EFR3B: variants seen among roughly 807,000 people sequenced by gnomAD.
EFR3B encodes protein EFR3 homolog B.
EFR3B carries 64 observed loss-of-function variants against 104.7 expected under a neutral mutation model. That is an observed-to-expected ratio of 0.61 (90% CI 0.50 to 0.75). The LOEUF (loss-of-function observed/expected upper bound fraction) is 0.75, where lower values mean the gene tolerates loss of function less well. Ranked by LOEUF, EFR3B falls within the 30% of genes least tolerant of loss-of-function variation. The pLI, the probability that EFR3B is intolerant of heterozygous loss-of-function variation, is 0.00. For synonymous variants in EFR3B, 385 were observed against 417.9 expected, an observed-to-expected ratio of 0.92 and a Z score of 0.96; for missense variants, 750 against 1,078.5, an observed-to-expected ratio of 0.70 and a Z score of 4.27.
At chr2:25,100,459 T>G (rs989359890) in intron 3 of EFR3B, among the ~76,000 whole-genome samples, 3 of 152,194 alleles carry the variant, frequency 2.0e-5, no homozygotes, top group Non-Finnish European at 4.4e-5. Context: ...GGCACCCCAT[T>G]AGGCTTTACA....
chr2:25,135,397 C>G, intron 12 of EFR3B, 70 bp from the exon 13 acceptor site: 2 of 1,519,646 alleles, frequency 1.3e-6, no homozygotes, highest in Non-Finnish European at 1.8e-6. Flanking sequence ...CCTCTGGCTG[C>G]TCCTCCATCT....
At chr2:25,046,563 C>T (rs1476576310) in intron 1 of EFR3B, among the ~76,000 whole-genome samples, 3 of 139,030 alleles carry the variant, frequency 2.2e-5, no homozygotes, top group Non-Finnish European at 3.1e-5. Flanking sequence ...AGTGCAGTGG[C>T]GCGATCTCGG....
intron 1 of EFR3B, among the ~76,000 whole-genome samples, chr2:25,058,613 G>A (rs1407701334): frequency 6.6e-6 from 1 of 151,970 alleles, no homozygotes; most frequent in Non-Finnish European, 1.5e-5. Flanking sequence ...ATAAAAATTA[G>A]CCAGGCATGG....
chr2:25,131,447 C>T lies in EFR3B; in HGVS notation c.929C>T (p.Ala310Val), dbSNP rs745862229. Residue 310 changes from alanine to valine, a missense_variant, in exon 9 of 23, where the codon GCG becomes GTG. Physicochemically the swap from Ala to Val is moderately conservative, Grantham distance 64. Transcript: ENST00000403714. This position sits in a 1 kb window ranked among gnomAD's most constrained non-coding sequence, Gnocchi z 7.6. ...AGCCGCAGCGCTGCGACGGTGCGCG[C>T]GGGCATCGTGGAAGTCTTGTCGGAA... ...ANSRSAATVR[A>V]GIVEVLSEAA... is the part of the protein sequence containing the mutation. 4.2e-4 allele frequency: 653 copies of T among 1,550,748 alleles called. 1 individual carries two copies. Among genetic ancestry groups the T allele is most frequent in the Non-Finnish European group, 4.1e-4 (465 of 1,146,866 alleles).
At chr2:25,094,399 C>A (rs1669223181) in intron 3 of EFR3B, among the ~76,000 whole-genome samples, 1 of 151,414 alleles carries the variant, frequency 6.6e-6, no homozygotes, top group African/African-American at 2.4e-5. Context: ...TAGCTCATAC[C>A]AAATAGTGGG....
At chr2:25,110,557 C>T (rs531694417) in intron 4 of EFR3B, among the ~76,000 whole-genome samples, 6 of 152,322 alleles carry the variant, frequency 3.9e-5, no homozygotes, top group South Asian at 2.1e-4. Context: ...CCAGCCCCTC[C>T]GGAGCCTCCC....
chr2:25,081,568 T>C (rs1668807440), intron 1 of EFR3B: 1 of 911,680 alleles, frequency 1.1e-6, no homozygotes, highest in African/African-American at 1.6e-5. Flanking sequence ...TTGGAGTCCA[T>C]GGTTATTCAA....
intron 10 of EFR3B, among the ~76,000 whole-genome samples, chr2:25,132,696 C>T (rs866505771): frequency 1.3e-5 from 2 of 149,136 alleles, no homozygotes; most frequent in Admixed American, 6.7e-5. Context: ...AGTGAAAAAA[C>T]GGAGCCTGGA....
chr2:25,051,079 C>T (rs1041551424), intron 1 of EFR3B, among the ~76,000 whole-genome samples: 4 of 152,036 alleles, frequency 2.6e-5, no homozygotes, highest in Non-Finnish European at 5.9e-5. Context: ...GGAGGCTCCA[C>T]CCCCCTTTGC....
intron 1 of EFR3B, among the ~76,000 whole-genome samples, chr2:25,052,318 C>T (rs184507237): frequency 2.0e-4 from 31 of 152,166 alleles, no homozygotes; most frequent in African/African-American, 7.0e-4. Flanking sequence ...AGAACACTGC[C>T]CGGTCCTCAA....
At position 25,068,934 on chromosome 2, in the gene EFR3B, T is replaced by C. The variant is rs1360562229; in HGVS notation, c.8-22391T>C. ...GTGAGCCACCGCGCCCGGCATCTTT[T>C]TTTTTTTTTTTTTTTCTGAGACAGA... On this transcript the variant is annotated intron_variant, in intron 1 of 22. Coordinates refer to ENST00000403714, the MANE Select transcript of EFR3B (RefSeq NM_014971.2). 1.2e-4 allele frequency among the ~76,000 whole-genome samples: 17 copies of C among 145,534 alleles called. No individual in the cohort carries two copies. In the East Asian group the frequency reaches 3.4e-3, roughly 29 times the overall value.
chr2:25,142,740 CAG>C (rs1670706358), intron 17 of EFR3B, among the ~76,000 whole-genome samples: 2 of 150,788 alleles, frequency 1.3e-5, no homozygotes, highest in African/African-American at 4.9e-5. Flanking sequence ...GCCTGGGCAA[CAG>C]GGAGAGACTT....
At chr2:25,077,999 C>G (rs1004312630) in intron 1 of EFR3B, among the ~76,000 whole-genome samples, 1 of 152,166 alleles carries the variant, frequency 6.6e-6, no homozygotes, top group Admixed American at 6.5e-5. Context: ...TTCCAGGAAG[C>G]CTTCCTAGAT....
At chr2:25,066,978 G>T (rs1668352817) in intron 1 of EFR3B, among the ~76,000 whole-genome samples, 1 of 152,124 alleles carries the variant, frequency 6.6e-6, no homozygotes, top group Non-Finnish European at 1.5e-5. Context: ...ATCCTGAAGA[G>T]AAAATGGGAG....
Position 25,154,557 on chromosome 2 carries a change from C to G in EFR3B, c.*217C>G. On this transcript the variant is annotated 3_prime_UTR_variant, in exon 23 of 23. Transcript: ENST00000403714. The surrounding 1 kb of genome is among the most constrained non-coding windows in gnomAD (Gnocchi z 4.1). Reference sequence around the variant, plus strand: ...TGAGGGAGGTCTCACCAATCAGCATCTCACCTGTGCCCTCTTTGTCTTCTC... The same window carrying G: ...TGAGGGAGGTCTCACCAATCAGCATGTCACCTGTGCCCTCTTTGTCTTCTC... 1.8e-6 allele frequency: 1 copy of G among 548,630 alleles called. No individual in the cohort carries two copies. The highest frequency in any genetic ancestry group is 3.2e-6 in the Non-Finnish European group (1 of 310,062). 34.0% of individuals were successfully genotyped at this position (548,630 alleles called of 1,614,324 possible).
intron 1 of EFR3B, among the ~76,000 whole-genome samples, chr2:25,056,091 A>C (rs1188175861): frequency 6.6e-6 from 1 of 152,224 alleles, no homozygotes; most frequent in African/African-American, 2.4e-5. Flanking sequence ...ATCAATGAGC[A>C]TGGGCTAGGA....
chr2:25,052,437 C>T (rs1230259270), intron 1 of EFR3B, among the ~76,000 whole-genome samples: 2 of 151,470 alleles, frequency 1.3e-5, no homozygotes, highest in Non-Finnish European at 2.9e-5. Flanking sequence ...TGAGTAACAA[C>T]ACAGTTACTG....
chr2:25,148,915 C>G (rs1308548376), intron 19 of EFR3B, among the ~76,000 whole-genome samples: 1 of 96,576 alleles, frequency 1.0e-5, no homozygotes, highest in African/African-American at 4.2e-5. Flanking sequence ...GAGCGAGACT[C>G]CGTCTCAAAA....
chr2:25,076,222 T>C (rs888144860), intron 1 of EFR3B, among the ~76,000 whole-genome samples: 1 of 152,152 alleles, frequency 6.6e-6, no homozygotes, highest in African/African-American at 2.4e-5. Flanking sequence ...TAGCGATTGG[T>C]ACTTCACATC....
Sources: gnomAD v4.1 joint callset for allele counts (sites outside exome capture counted in the v4.1 genomes callset) on GRCh38, gnomAD v4.1.1 for gene constraint, Gnocchi (gnomAD v3.1) non-coding constraint, MANE v1.5 for transcripts, NCBI Gene and HGNC (gene_info 2026-07-23, HGNC 2026-07-21) for gene names.